PDE1A: variants seen among roughly 807,000 people sequenced by gnomAD.
The protein encoded by PDE1A is phosphodiesterase 1A, also known as dual specificity calcium/calmodulin-dependent 3',5'-cyclic nucleotide phosphodiesterase 1A.
PDE1A carries 35 observed loss-of-function variants against 61.7 expected under a neutral mutation model. That is an observed-to-expected ratio of 0.57 (90% CI 0.43 to 0.75). The LOEUF is 0.75. Ranked by LOEUF, PDE1A falls within the 30% of genes least tolerant of loss-of-function variation. PDE1A has a pLI of 0.00. For synonymous variants in PDE1A, 232 were observed against 213.2 expected (o/e 1.09, Z -0.77); for missense variants, 597 against 630.6 (o/e 0.95, Z 0.57).
the PDE1A span, among the ~76,000 whole-genome samples, chr2:182,625,246 C>T: frequency 1.3e-5 from 2 of 152,164 alleles, no homozygotes; most frequent in East Asian, 3.9e-4. Flanking sequence ...TGTTGTTTAA[C>T]ATCCATTCTA....
At chr2:182,593,910 T>C in the PDE1A span, among the ~76,000 whole-genome samples, 2 of 152,208 alleles carry the variant, frequency 1.3e-5, no homozygotes, top group Non-Finnish European at 2.9e-5. Flanking sequence ...TTCCAGGCCA[T>C]TTGTGAAACT....
chr2:182,386,579 G>A (rs1311944173), intron 1 of PDE1A, among the ~76,000 whole-genome samples: 8 of 146,468 alleles, frequency 5.5e-5, no homozygotes, highest in South Asian at 2.2e-4. Context: ...CAGCCACCCC[G>A]TCTGAGAAGT....
At chr2:182,663,631 A>G in the PDE1A span, among the ~76,000 whole-genome samples, 1 of 152,146 alleles carries the variant, frequency 6.6e-6, no homozygotes, top group Admixed American at 6.6e-5. Context: ...TTGAGAACAC[A>G]CGGACACATA....
downstream of PDE1A, among the ~76,000 whole-genome samples, chr2:182,165,709 A>G (rs1373137116): frequency 6.6e-6 from 1 of 152,196 alleles, no homozygotes; most frequent in Non-Finnish European, 1.5e-5. Context: ...CAGAATGGGT[A>G]GTAGAAGACA....
chr2:182,258,320 C>T (rs2125765331), intron 2 of PDE1A, among the ~76,000 whole-genome samples: 1 of 152,172 alleles, frequency 6.6e-6, no homozygotes, highest in South Asian at 2.1e-4. Context: ...CACAGCTGGA[C>T]TTGAGGAAAA....
chr2:182,284,520 AAATGAGTAT>A (rs1380846776), intron 1 of PDE1A, among the ~76,000 whole-genome samples: 1 of 152,012 alleles, frequency 6.6e-6, no homozygotes, highest in Non-Finnish European at 1.5e-5. Flanking sequence ...TTTTGGAGGG[AAATGAGTAT>A]AAGTTGAAAT....
rs184383117 is a variant in PDE1A at position 182,497,725 on chromosome 2, C to G, written c.101+24551G>C. Among the ~76,000 whole-genome samples the G allele has an allele frequency of 7.2e-5, 11 of 152,212 alleles. No individual in the cohort carries two copies. In the East Asian group the frequency reaches 2.1e-3, roughly 30 times the overall value. ...AAAGACCTGTGGACACAGGTACCGGCATTTGGTAACCACCCAATTAAAAGA... is the reference window on the plus strand; with the variant it reads ...AAAGACCTGTGGACACAGGTACCGGGATTTGGTAACCACCCAATTAAAAGA... On this transcript the variant is annotated intron_variant, in intron 2 of 14. Coordinates refer to the PDE1A transcript ENST00000410103.
intron 1 of PDE1A, among the ~76,000 whole-genome samples, chr2:182,325,281 A>G (rs1267813596): frequency 6.6e-6 from 1 of 152,212 alleles, no homozygotes; most frequent in Non-Finnish European, 1.5e-5. Flanking sequence ...ACTAAAAAGC[A>G]TATGTGGCTT....
At chr2:182,506,862 ATCT>A (rs1017494042) in intron 2 of PDE1A, among the ~76,000 whole-genome samples, 14 of 152,330 alleles carry the variant, frequency 9.2e-5, no homozygotes, top group Admixed American at 4.6e-4. Flanking sequence ...GATATGAACC[ATCT>A]TCTTTTATGC....
chr2:182,585,531 T>C, the PDE1A span, among the ~76,000 whole-genome samples: 2 of 152,154 alleles, frequency 1.3e-5, no homozygotes, highest in South Asian at 2.1e-4. Flanking sequence ...CTTAAAAAAA[T>C]TGATAGTCTA....
the PDE1A span, among the ~76,000 whole-genome samples, chr2:182,695,748 C>T: frequency 1.3e-5 from 2 of 149,828 alleles, no homozygotes; most frequent in Admixed American, 1.3e-4. Flanking sequence ...GAAATACTTG[C>T]AAACAATATA....
At chr2:182,243,502 G>T (rs1690718586) in intron 2 of PDE1A, among the ~76,000 whole-genome samples, 1 of 152,174 alleles carries the variant, frequency 6.6e-6, no homozygotes, top group African/African-American at 2.4e-5. Flanking sequence ...AATGTGGCTG[G>T]AGTATACTGA....
At chr2:182,675,345 T>C in the PDE1A span, among the ~76,000 whole-genome samples, 11 of 152,216 alleles carry the variant, frequency 7.2e-5, no homozygotes, top group Admixed American at 7.2e-4. Flanking sequence ...ATTTTCTTTA[T>C]CCAATCTGTC....
At chr2:182,561,471 G>C in the PDE1A span, among the ~76,000 whole-genome samples, 4 of 152,190 alleles carry the variant, frequency 2.6e-5, no homozygotes, top group Non-Finnish European at 5.9e-5. Context: ...TGGTAGTATA[G>C]TTTGAAGTCA....
At chr2:182,618,542 A>C in the PDE1A span, among the ~76,000 whole-genome samples, 1 of 151,522 alleles carries the variant, frequency 6.6e-6, no homozygotes, top group Non-Finnish European at 1.5e-5. Context: ...TACACTAAGA[A>C]TCATTGTTGA....
At chr2:182,644,919 A>G in the PDE1A span, among the ~76,000 whole-genome samples, 3 of 152,166 alleles carry the variant, frequency 2.0e-5, no homozygotes, top group African/African-American at 4.8e-5. Flanking sequence ...TTCAATTTTG[A>G]AAAGTATAGT....
intron 2 of PDE1A, among the ~76,000 whole-genome samples, chr2:182,507,590 A>G (rs1410308383): frequency 6.6e-6 from 1 of 152,138 alleles, no homozygotes; most frequent in Admixed American, 6.6e-5. Context: ...AACAAGGTGT[A>G]TGGCCAAGAG....
the PDE1A span, among the ~76,000 whole-genome samples, chr2:182,714,853 C>G: frequency 1.3e-5 from 2 of 152,150 alleles, no homozygotes; most frequent in Non-Finnish European, 1.5e-5. Context: ...GCCACCACAC[C>G]CGGCCCACCA....
At chr2:182,218,661 T>A (rs1372764088) in intron 7 of PDE1A, among the ~76,000 whole-genome samples, 1 of 152,118 alleles carries the variant, frequency 6.6e-6, no homozygotes, top group Non-Finnish European at 1.5e-5. Flanking sequence ...GGAGTTTATA[T>A]CATAAACGTG....
Sources: gnomAD v4.1 joint callset for allele counts (sites outside exome capture counted in the v4.1 genomes callset) on GRCh38, gnomAD v4.1.1 for gene constraint, MANE v1.5 for transcripts, NCBI Gene and HGNC (gene_info 2026-07-23, HGNC 2026-07-21) for gene names.